A2M: variants seen among roughly 807,000 people sequenced by gnomAD.
A2M encodes C3 and PZP-like alpha-2-macroglobulin domain-containing protein 5.
Under a neutral mutation model 183.9 loss-of-function variants are expected in A2M, and 128 were observed. The observed-to-expected ratio is 0.70, with a 90% CI of 0.60 to 0.81. A2M has a LOEUF of 0.81. A2M is among the 30% of genes least tolerant of loss of function. A2M has a pLI of 0.00. For missense variants in A2M, 1,495 were observed against 1,787.6 expected (o/e 0.84, Z 2.95); for synonymous variants, 592 against 670.8 (o/e 0.88, Z 1.81).
chr12:9,091,250 G>A lies in A2M; in HGVS notation c.2420C>T (p.Ala807Val), dbSNP rs750501702. The A allele has an allele frequency of 8.7e-6, 14 of 1,613,744 alleles. No homozygotes were observed. In the East Asian group the frequency reaches 1.3e-4, roughly 15 times the overall value. ...TMPYSVIRGE[A>V]FTLKATVLNY... ...TAGGACCGTGGCCTTGAGTGTGAAG[G>A]CCTCTCCACGAATCACAGAGTAAGG... is the stretch of plus-strand genomic sequence containing the variant. Residue 807 changes from alanine (A) to valine (V), a missense_variant, in exon 19 of 36, where the codon GCC (alanine) becomes GTC (valine). Transcript: ENST00000318602.
At chr12:9,099,286 C>A in intron 14 of A2M, 95 bp downstream of exon 14, 1 of 1,193,716 alleles carries the variant, frequency 8.4e-7, no homozygotes, top group African/African-American at 1.5e-5. Flanking sequence ...TTTGTTTAAC[C>A]CTTTTGGCCC....
chr12:9,114,085 C>T (rs1055122538), intron 1 of A2M, among the ~76,000 whole-genome samples: 17 of 152,184 alleles, frequency 1.1e-4, no homozygotes, highest in African/African-American at 4.1e-4. Flanking sequence ...TTCACAGTCT[C>T]AGTTGTGGTA....
At chr12:9,068,647 C>T in intron 34 of A2M, 93 bp downstream of exon 34, 1 of 1,007,556 alleles carries the variant, frequency 9.9e-7, no homozygotes, top group Non-Finnish European at 1.5e-6. Flanking sequence ...AATGTAATTA[C>T]TTAATGTAAT....
At chr12:9,074,508 C>T in intron 29 of A2M, 52 bp downstream of exon 29, 4 of 1,499,146 alleles carry the variant, frequency 2.7e-6, no homozygotes, top group Non-Finnish European at 3.6e-6. Flanking sequence ...CTTTTTCATT[C>T]AAATCTTTTG....
intron 15 of A2M, 78 bp downstream of exon 15, chr12:9,098,529 C>T: frequency 6.8e-7 from 1 of 1,475,742 alleles, no homozygotes; most frequent in Middle Eastern, 2.4e-4. Context: ...TGATCTTATC[C>T]TACTTATCCA....
At chr12:9,068,046 G>T in intron 35 of A2M, 137 bp downstream of exon 35, 1 of 1,112,358 alleles carries the variant, frequency 9.0e-7, no homozygotes, top group Non-Finnish European at 1.3e-6. Context: ...CAATAAATGT[G>T]TTTTTCTATA....
At chr12:9,104,652 C>A (rs1938147457) in intron 10 of A2M, among the ~76,000 whole-genome samples, 2 of 152,054 alleles carry the variant, frequency 1.3e-5, no homozygotes, top group Admixed American at 6.5e-5. Context: ...AAAAACAGAG[C>A]AGTGTGAAGG....
rs778291640 is a variant in A2M, at chr12:9,110,348, G to A, written c.484-14C>T. On this transcript the variant is annotated splice_polypyrimidine_tract_variant and intron_variant, in intron 4 of 35. Transcript: ENST00000318602. ...TACTAGTGGAATCTGAAAGACAAAA[G>A]AAAAAAGAAGTTTATAATTATTTTC... The A allele has an allele frequency of 2.9e-6, 4 of 1,388,838 alleles. No individual in the cohort carries two copies. Among genetic ancestry groups the A allele is most frequent in the Admixed American group, 5.4e-5 (2 of 37,046 alleles). 86.0% of individuals were successfully genotyped at this position (1,388,838 alleles called of 1,614,324 possible). A position where few individuals can be genotyped will look rare whatever the true frequency, so the allele number is the denominator to read the frequency against.
Position 9,109,846 on chromosome 12 carries a change from AT to A in A2M, c.673+20del. The A allele has an allele frequency of 6.4e-7, 1 of 1,570,186 alleles. No individual in the cohort carries two copies. Among genetic ancestry groups the A allele is most frequent in the Non-Finnish European group, 8.6e-7 (1 of 1,161,684 alleles). ...TAAATATGAAGAAAAATAATGCTTG[AT>A]GACTTTTCATGATCCATACCAAATT... is the stretch of plus-strand genomic sequence containing the variant. On this transcript the variant is annotated intron_variant, in intron 6 of 35. Coordinates refer to ENST00000318602, the MANE Select transcript of A2M (RefSeq NM_000014.6).
intron 22 of A2M, among the ~76,000 whole-genome samples, chr12:9,080,912 A>T (rs1948891248): frequency 6.6e-6 from 1 of 152,202 alleles, no homozygotes; most frequent in South Asian, 2.1e-4. Flanking sequence ...CAAATGGCTA[A>T]GCAAAATAAA....
intron 1 of A2M, 33 bp downstream of exon 1, chr12:9,115,731 G>T (rs780556897): frequency 2.6e-6 from 4 of 1,542,188 alleles, no homozygotes; most frequent in Non-Finnish European, 3.6e-6. Context: ...AGGACTCTAG[G>T]TTCATGCTTC....
chr12:9,077,504 A>G, intron 26 of A2M, 84 bp from the exon 27 acceptor site: 1 of 1,485,604 alleles, frequency 6.7e-7, no homozygotes, highest in Non-Finnish European at 9.2e-7. Flanking sequence ...GTGTCATGGA[A>G]TTCATCCTTA....
rs200420993 is a variant in A2M, at chr12:9,113,460, G to A, written c.170C>T (p.Thr57Ile). Reference protein sequence around the residue: ...GCVLLSYLNETVTVSASLESV... With the variant: ...GCVLLSYLNEIVTVSASLESV... ...CTCCAAGGAAGCACTTACAGTCACT[G>A]TCTCATTCAGGTAGCTCAGAAGGAC... Residue 57 changes from threonine to isoleucine, a missense_variant, in exon 2 of 36, where the codon ACA becomes ATA. By Grantham distance (89) the Thr-to-Ile change is moderately conservative. Coordinates refer to ENST00000318602, the MANE Select transcript of A2M (RefSeq NM_000014.6). 99 of 1,613,896 alleles carry A rather than the reference G, an allele frequency of 6.1e-5. No individual in the cohort carries two copies. The East Asian group carries it at 2.0e-3, about 33-fold the overall frequency.
At position 9,077,390 on chromosome 12, in the gene A2M, C is replaced by T. The variant is rs113563450; in HGVS notation, c.3307G>A (p.Ala1103Thr). Residue 1103 changes from alanine to threonine, a missense_variant, in exon 27 of 36, where the codon GCC becomes ACC. Physicochemically the swap from Ala to Thr is moderately conservative, Grantham distance 58. Coordinates refer to ENST00000318602, the MANE Select transcript of A2M (RefSeq NM_000014.6). ...TCCAGAAGGGCGATGGTGATATAGG[C>T]GGAGAGGGTCACTTCATCTTCTACT... ...GGVEDEVTLS[A>T]YITIALLEIP... 1.3e-3 allele frequency: 2,135 copies of T among 1,613,420 alleles called. 5 individuals carry two copies. The highest frequency in any genetic ancestry group is 1.4e-3 in the Non-Finnish European group (1,621 of 1,179,738).
At position 9,079,175 on chromosome 12, in the gene A2M, A is replaced by G; in HGVS notation, c.3119+69T>C. The G allele has an allele frequency of 5.1e-6, 6 of 1,184,490 alleles. No individual in the cohort carries two copies. In the South Asian group the frequency reaches 5.2e-5, roughly 10 times the overall value. 73.4% of individuals were successfully genotyped at this position (1,184,490 alleles called of 1,614,324 possible). A position where few individuals can be genotyped will look rare whatever the true frequency, so the allele number is the denominator to read the frequency against. ...CATATCTGATAGTGTTGCTGTGAAT[A>G]TAATTGAGGTAATACATGTAAAAGA... On this transcript the variant is annotated intron_variant, in intron 25 of 35. Coordinates refer to ENST00000318602, the MANE Select transcript of A2M (RefSeq NM_000014.6).
At chr12:9,088,717 G>A (rs1194361432) in intron 22 of A2M, among the ~76,000 whole-genome samples, 1 of 152,078 alleles carries the variant, frequency 6.6e-6, no homozygotes, top group Admixed American at 6.5e-5. Context: ...TAGGGCATTA[G>A]GTACGGGATA....
rs1565597394 is a variant in A2M, at chr12:9,101,211, C to T, written c.1495-4G>A. Reference sequence around the variant, plus strand: ...CAATGCCTCCCTTTGCCATTATCTGCAAAAAAGGAAATAAAAAGAAATTAA... The same window carrying T: ...CAATGCCTCCCTTTGCCATTATCTGTAAAAAAGGAAATAAAAAGAAATTAA... On this transcript the variant is annotated splice_polypyrimidine_tract_variant and splice_region_variant and intron_variant, in intron 12 of 35. Transcript: ENST00000318602. The T allele has an allele frequency of 6.4e-7, 1 of 1,555,778 alleles. No individual in the cohort carries two copies. Among genetic ancestry groups the T allele is most frequent in the Non-Finnish European group, 8.7e-7 (1 of 1,149,126 alleles).
intron 11 of A2M, among the ~76,000 whole-genome samples, chr12:9,103,506 G>A (rs977849179): frequency 2.0e-5 from 3 of 152,046 alleles, no homozygotes; most frequent in Non-Finnish European, 4.4e-5. Flanking sequence ...TTGTGCAACA[G>A]ATCTCCAGAA....
At chr12:9,084,695 G>A (rs1314099505) in intron 22 of A2M, among the ~76,000 whole-genome samples, 1 of 152,060 alleles carries the variant, frequency 6.6e-6, no homozygotes, top group Non-Finnish European at 1.5e-5. Context: ...TACCTTGAAT[G>A]CAAATGGACT....
Sources: gnomAD v4.1 joint callset for allele counts (sites outside exome capture counted in the v4.1 genomes callset) on GRCh38, gnomAD v4.1.1 for gene constraint, MANE v1.5 for transcripts, NCBI Gene and HGNC (gene_info 2026-07-23, HGNC 2026-07-21) for gene names.